The following FBXO34 variants were observed in gnomAD, a reference collection of about 807,000 sequenced individuals.
FBXO34 encodes the protein F-box protein 34.
Under a neutral mutation model 24.5 loss-of-function variants are expected in FBXO34, and 12 were observed. The observed-to-expected ratio is 0.49, with a 90% CI of 0.31 to 0.79. The LOEUF is 0.79. Among genes scored for constraint, FBXO34 ranks in the 30% least tolerant of loss-of-function variants. FBXO34 has a pLI of 0.04. For missense variants in FBXO34, 823 were observed against 857.7 expected (o/e 0.96, Z 0.51); for synonymous variants, 320 against 311.9 (o/e 1.03, Z -0.27).
At chr14:55,344,268 G>A (rs1884085878) in intron 1 of FBXO34, among the ~76,000 whole-genome samples, 1 of 151,896 alleles carries the variant, frequency 6.6e-6, no homozygotes. Context: ...ATCACCAAGT[G>A]GGCACAATTC....
intron 1 of FBXO34, among the ~76,000 whole-genome samples, chr14:55,338,347 C>T (rs954300284): frequency 2.0e-5 from 3 of 151,932 alleles, no homozygotes; most frequent in Admixed American, 6.6e-5. Flanking sequence ...CTGCGGCCAG[C>T]GAGTATGGAC....
At chr14:55,334,551 A>T (rs1314809188) in intron 1 of FBXO34, among the ~76,000 whole-genome samples, 2 of 151,788 alleles carry the variant, frequency 1.3e-5, no homozygotes, top group Non-Finnish European at 2.9e-5. Context: ...GTGGGGCAGT[A>T]GATGTGATCT....
intron 1 of FBXO34, among the ~76,000 whole-genome samples, chr14:55,306,962 C>T (rs1273564648): frequency 6.6e-6 from 1 of 152,202 alleles, no homozygotes; most frequent in African/African-American, 2.4e-5. Context: ...TTAGCATCTG[C>T]ATTGGAATCA....
chr14:55,417,028 C>G, the FBXO34 span, among the ~76,000 whole-genome samples: 1 of 152,176 alleles, frequency 6.6e-6, no homozygotes, highest in East Asian at 1.9e-4. Context: ...AAGGAGTATA[C>G]CATCTGGAGG....
chr14:55,381,137 G>A, the FBXO34 span, among the ~76,000 whole-genome samples: 8 of 151,972 alleles, frequency 5.3e-5, no homozygotes, highest in East Asian at 5.8e-4. Flanking sequence ...ACAGCATCTC[G>A]ATCATTTACT....
intron 1 of FBXO34, among the ~76,000 whole-genome samples, chr14:55,342,241 T>C (rs572115447): frequency 1.8e-4 from 28 of 152,318 alleles, no homozygotes; most frequent in Middle Eastern, 3.4e-3. Flanking sequence ...TTAAATCCCA[T>C]TGTGAATTCT....
chr14:55,296,306 C>T (rs1360255055), intron 1 of FBXO34, among the ~76,000 whole-genome samples: 1 of 149,020 alleles, frequency 6.7e-6, no homozygotes. Context: ...AAAGTTGTAA[C>T]TGTATAGCTG....
intron 1 of FBXO34, among the ~76,000 whole-genome samples, chr14:55,331,684 T>C (rs1295704233): frequency 1.8e-5 from 1 of 54,366 alleles, no homozygotes; most frequent in Non-Finnish European, 3.0e-5. Context: ...TATATATATA[T>C]GTGTATATAT....
intron 1 of FBXO34, among the ~76,000 whole-genome samples, chr14:55,296,391 G>GTTTTTTTTTT (rs1167344634): frequency 3.3e-3 from 211 of 64,736 alleles, no homozygotes; most frequent in East Asian, 5.4e-3. Flanking sequence ...TGTTTTTTTT[G>GTTTTTTTTTT]TTTTTTTTTT....
intron 1 of FBXO34, among the ~76,000 whole-genome samples, chr14:55,292,359 AT>A (rs112026759): frequency 0.021 from 3,110 of 146,448 alleles, 55 homozygotes; most frequent in African/African-American, 0.051. Flanking sequence ...CTGTATTTAC[AT>A]TTTTTTTTTT....
the FBXO34 span, among the ~76,000 whole-genome samples, chr14:55,431,089 T>C: frequency 6.6e-6 from 1 of 152,238 alleles, no homozygotes; most frequent in African/African-American, 2.4e-5. Flanking sequence ...TTTGATCTTC[T>C]GCACTTTTCC....
At chr14:55,393,260 C>T in the FBXO34 span, among the ~76,000 whole-genome samples, 48 of 152,140 alleles carry the variant, frequency 3.2e-4, no homozygotes, top group East Asian at 9.3e-3. Context: ...TGGTGGGCGC[C>T]TGTAGTCCCA....
intron 1 of FBXO34, among the ~76,000 whole-genome samples, chr14:55,347,760 C>T (rs1320489398): frequency 6.6e-6 from 1 of 152,194 alleles, no homozygotes; most frequent in African/African-American, 2.4e-5. Flanking sequence ...TTTAATGTCC[C>T]TCTCTATCAA....
intron 1 of FBXO34, among the ~76,000 whole-genome samples, chr14:55,349,723 C>T (rs1370829759): frequency 6.7e-6 from 1 of 149,068 alleles, no homozygotes; most frequent in East Asian, 2.0e-4. Context: ...TCTTGTGCCT[C>T]AGCCTCTCGA....
chr14:55,416,331 C>A, the FBXO34 span, among the ~76,000 whole-genome samples: 3 of 152,074 alleles, frequency 2.0e-5, no homozygotes, highest in African/African-American at 2.4e-5. Flanking sequence ...GTGGCTCACA[C>A]CTGTAATTCC....
At chr14:55,277,356 G>A (rs892103429) in intron 1 of FBXO34, among the ~76,000 whole-genome samples, 1 of 152,168 alleles carries the variant, frequency 6.6e-6, no homozygotes, top group Non-Finnish European at 1.5e-5. Context: ...GTCTCGCTTT[G>A]TTGCCCAGAC....
the FBXO34 span, among the ~76,000 whole-genome samples, chr14:55,397,940 A>ATTT: frequency 7.3e-6 from 1 of 136,836 alleles, no homozygotes. Flanking sequence ...CATTGCAGTA[A>ATTT]TTCTTTTTTT....
At chr14:55,366,928 G>A (rs1884692725) in intron 2 of FBXO34, 1 of 152,682 alleles carries the variant, frequency 6.5e-6, no homozygotes, top group Admixed American at 6.5e-5. Flanking sequence ...GGTGGATCCA[G>A]TGCAAAATAA....
chr14:55,400,555 T>C, the FBXO34 span, among the ~76,000 whole-genome samples: 1 of 152,296 alleles, frequency 6.6e-6, no homozygotes, highest in East Asian at 1.9e-4. Flanking sequence ...TACAAGTGAA[T>C]AGCCTAGTGC....
Sources: allele counts gnomAD v4.1 joint callset (sites outside exome capture counted in the v4.1 genomes callset), GRCh38; gene constraint gnomAD v4.1.1; transcripts MANE v1.5; gene names NCBI Gene and HGNC (gene_info 2026-07-23, HGNC 2026-07-21).